GABRG3: variants seen among roughly 807,000 people sequenced by gnomAD.
The protein encoded by GABRG3 is gamma-aminobutyric acid receptor subunit gamma-3.
A neutral mutation model predicts 48.8 loss-of-function variants in GABRG3; 25 were observed. The ratio of observed to expected loss-of-function variants is 0.51; its 90% CI spans 0.37 to 0.72. The LOEUF is 0.72. Ranked by LOEUF, GABRG3 falls within the 30% of genes least tolerant of loss-of-function variation. The pLI is 0.00. For missense variants in GABRG3, 394 were observed against 577.9 expected, an observed-to-expected ratio of 0.68 and a Z score of 3.26; for synonymous variants, 227 against 217.6, an observed-to-expected ratio of 1.04 and a Z score of -0.38.
chr15:27,040,191 G>A lies in GABRG3; in HGVS notation c.270+13370G>A, dbSNP rs149285943. 3.3e-3 allele frequency among the ~76,000 whole-genome samples: 502 copies of A among 152,366 alleles called. 3 individuals carry two copies. Among genetic ancestry groups the A allele is most frequent in the African/African-American group, 0.011 (475 of 41,596 alleles). On this transcript the variant is annotated intron_variant, in intron 3 of 9. Transcript: ENST00000615808. The stretch of plus-strand genomic sequence containing the variant: ...GACGCATTTCCACTTGCTGTGTTCG[G>A]GGTGGCCCATGACAGGTGCTGAGCT...
rs999331130 is a variant in GABRG3, at chr15:27,072,564, A to G, written c.270+45743A>G. Among the ~76,000 whole-genome samples, 6 of 152,332 alleles carry G rather than the reference A, an allele frequency of 3.9e-5. No individual in the cohort carries two copies. In the East Asian group the frequency reaches 9.7e-4, roughly 25 times the overall value. The stretch of plus-strand genomic sequence containing the variant: ...TGACAGATAGACTCCAGAGGGTACA[A>G]TGACTCAAATGACACCAGTCCATTT... On this transcript the variant is annotated intron_variant, in intron 3 of 9. Coordinates refer to ENST00000615808, the MANE Select transcript of GABRG3 (RefSeq NM_033223.5).
chr15:27,009,760 T>TA (rs1821958969), intron 2 of GABRG3, among the ~76,000 whole-genome samples: 1 of 152,152 alleles, frequency 6.6e-6, no homozygotes, highest in African/African-American at 2.4e-5. Flanking sequence ...TGATCACACA[T>TA]ATGCCCCAGC....
chr15:27,233,126 G>T (rs550361325), intron 3 of GABRG3, among the ~76,000 whole-genome samples: 20 of 152,254 alleles, frequency 1.3e-4, no homozygotes, highest in Admixed American at 2.0e-4. Context: ...CAGAGGCTTG[G>T]TCATGTGAGA....
At chr15:27,143,762 A>G (rs1898148578) in intron 3 of GABRG3, among the ~76,000 whole-genome samples, 1 of 152,228 alleles carries the variant, frequency 6.6e-6, no homozygotes, top group Non-Finnish European at 1.5e-5. Context: ...GACCCTTTCT[A>G]AAGTAACAAC....
chr15:27,478,967 T>C (rs1237877788), intron 5 of GABRG3, among the ~76,000 whole-genome samples: 1 of 151,960 alleles, frequency 6.6e-6, no homozygotes, highest in Non-Finnish European at 1.5e-5. Context: ...ACAGAAAATA[T>C]ATAAGTGACT....
At chr15:27,403,016 C>T (rs775195239) in intron 5 of GABRG3, among the ~76,000 whole-genome samples, 5 of 151,454 alleles carry the variant, frequency 3.3e-5, no homozygotes, top group African/African-American at 1.2e-4. Flanking sequence ...AATCAGACTG[C>T]CAAAGAACCA....
chr15:27,392,356 C>T (rs1429383048), intron 5 of GABRG3, among the ~76,000 whole-genome samples: 1 of 152,160 alleles, frequency 6.6e-6, no homozygotes, highest in Non-Finnish European at 1.5e-5. Context: ...TTTGATGACC[C>T]TGACATTTTT....
intron 2 of GABRG3, among the ~76,000 whole-genome samples, chr15:26,994,655 G>C (rs961167752): frequency 6.6e-6 from 1 of 151,912 alleles, no homozygotes; most frequent in Non-Finnish European, 1.5e-5. Flanking sequence ...ACTATTCTGT[G>C]TTTTTCTGGG....
At chr15:27,127,290 A>T (rs574543793) in intron 3 of GABRG3, among the ~76,000 whole-genome samples, 1 of 152,336 alleles carries the variant, frequency 6.6e-6, no homozygotes, top group African/African-American at 2.4e-5. Flanking sequence ...AAATTCTTAC[A>T]TGTGCTATAA....
chr15:27,057,129 T>A (rs1156762565), intron 3 of GABRG3, among the ~76,000 whole-genome samples: 1 of 152,166 alleles, frequency 6.6e-6, no homozygotes, highest in Non-Finnish European at 1.5e-5. Flanking sequence ...TTCTTGAAGC[T>A]TTTAGTCCTT....
At chr15:27,252,207 G>A (rs1890479355) in intron 3 of GABRG3, among the ~76,000 whole-genome samples, 1 of 152,152 alleles carries the variant, frequency 6.6e-6, no homozygotes, top group Non-Finnish European at 1.5e-5. Context: ...CCGTGGGCTG[G>A]CCTGGCCTCC....
intron 3 of GABRG3, among the ~76,000 whole-genome samples, chr15:27,262,523 C>T (rs1018533637): frequency 2.0e-5 from 3 of 152,214 alleles, no homozygotes; most frequent in African/African-American, 7.2e-5. Context: ...GCCGCCCCTA[C>T]CCCATCTGAG....
At chr15:27,527,189 T>C (rs1262668971) in intron 7 of GABRG3, among the ~76,000 whole-genome samples, 1 of 152,246 alleles carries the variant, frequency 6.6e-6, no homozygotes, top group Non-Finnish European at 1.5e-5. Context: ...ACTGAATGAA[T>C]TGAAAGGTGT....
chr15:27,366,261 G>C (rs772012387), intron 5 of GABRG3: 1 of 152,178 alleles, frequency 6.6e-6, no homozygotes, highest in Non-Finnish European at 1.5e-5. Context: ...ATGAGCCCAC[G>C]GTCATGCAGC....
At chr15:27,096,044 T>G (rs1221745971) in intron 3 of GABRG3, among the ~76,000 whole-genome samples, 1 of 152,206 alleles carries the variant, frequency 6.6e-6, no homozygotes, top group East Asian at 1.9e-4. Flanking sequence ...TCCTTGCATT[T>G]GGAAATGCTC....
chr15:27,454,495 C>T (rs982066815), intron 5 of GABRG3, among the ~76,000 whole-genome samples: 1 of 152,176 alleles, frequency 6.6e-6, no homozygotes, highest in African/African-American at 2.4e-5. Context: ...ACGGGTGTGA[C>T]TATCTCTCCA....
chr15:27,002,760 A>AAAAAAAAAAAAAAAG (rs71130292), intron 2 of GABRG3, among the ~76,000 whole-genome samples: 3 of 125,930 alleles, frequency 2.4e-5, no homozygotes, highest in African/African-American at 6.1e-5. Flanking sequence ...AAAAAAAAAA[A>AAAAAAAAAAAAAAAG]AAAGGAAGGA....
At chr15:27,125,308 G>C (rs571224939) in intron 3 of GABRG3, among the ~76,000 whole-genome samples, 1 of 152,170 alleles carries the variant, frequency 6.6e-6, no homozygotes, top group South Asian at 2.1e-4. Context: ...TTGAGCTTTC[G>C]GAAGCAGAGA....
At chr15:27,531,261 G>A (rs750581441) in intron 9 of GABRG3, among the ~76,000 whole-genome samples, 7 of 152,274 alleles carry the variant, frequency 4.6e-5, no homozygotes, top group Middle Eastern at 3.4e-3. Flanking sequence ...CAGATGCTTC[G>A]CATTTACAAG....
Sources: gnomAD v4.1 joint callset for allele counts (sites outside exome capture counted in the v4.1 genomes callset) on GRCh38, gnomAD v4.1.1 for gene constraint, MANE v1.5 for transcripts, NCBI Gene and HGNC (gene_info 2026-07-23, HGNC 2026-07-21) for gene names.